Variants in TNFSF4 observed in about 807,000 individuals in gnomAD.
The protein encoded by TNFSF4 is TNF superfamily member 4.
TNFSF4 carries 4 observed loss-of-function variants against 7.3 expected under a neutral mutation model. The observed-to-expected ratio is 0.55, with a 90% CI of 0.27 to 1.25. The LOEUF is 1.25. Ranked by LOEUF, TNFSF4 falls within the 50% of genes most tolerant of loss-of-function variation. The pLI, the probability that TNFSF4 is intolerant of heterozygous loss-of-function variation, is 0.12. For missense variants in TNFSF4, 181 were observed against 208.8 expected (o/e 0.87, Z 0.82); for synonymous variants, 76 against 83.7 (o/e 0.91, Z 0.50).
the TNFSF4 span, among the ~76,000 whole-genome samples, chr1:173,311,755 C>G: frequency 6.6e-6 from 1 of 152,060 alleles, no homozygotes; most frequent in South Asian, 2.1e-4. Flanking sequence ...CTCTCCCACA[C>G]CCTCTACTGA....
chr1:173,374,441 C>T, the TNFSF4 span, among the ~76,000 whole-genome samples: 1 of 152,110 alleles, frequency 6.6e-6, no homozygotes. Flanking sequence ...AGATTCACCA[C>T]ACCGGAGTTA....
chr1:173,300,663 C>T, the TNFSF4 span, among the ~76,000 whole-genome samples: 1 of 151,670 alleles, frequency 6.6e-6, no homozygotes, highest in South Asian at 2.1e-4. Flanking sequence ...AGTGCTCCAC[C>T]CCCACCCCAA....
the TNFSF4 span, among the ~76,000 whole-genome samples, chr1:173,380,244 A>T: frequency 6.6e-6 from 1 of 152,182 alleles, no homozygotes; most frequent in Non-Finnish European, 1.5e-5. Context: ...CACCCTTATT[A>T]GGGAGGGACA....
At chr1:173,327,775 A>C in the TNFSF4 span, among the ~76,000 whole-genome samples, 1 of 152,250 alleles carries the variant, frequency 6.6e-6, no homozygotes, top group African/African-American at 2.4e-5. Context: ...ACTGGCCATC[A>C]GAGAAATGCA....
chr1:173,333,781 T>C, the TNFSF4 span, among the ~76,000 whole-genome samples: 1 of 152,150 alleles, frequency 6.6e-6, no homozygotes, highest in Non-Finnish European at 1.5e-5. Flanking sequence ...GGTATTTTGT[T>C]ATGACAGCAT....
the TNFSF4 span, among the ~76,000 whole-genome samples, chr1:173,425,766 G>A: frequency 3.9e-5 from 6 of 152,332 alleles, no homozygotes; most frequent in Non-Finnish European, 5.9e-5. Flanking sequence ...GAACTAGAGC[G>A]AGGAGGCTGA....
At chr1:173,251,466 C>G in the TNFSF4 span, among the ~76,000 whole-genome samples, 4 of 152,174 alleles carry the variant, frequency 2.6e-5, no homozygotes, top group Admixed American at 2.6e-4. Context: ...ACATAGTACT[C>G]AATACCTATT....
At chr1:173,199,495 A>G (rs1287360181) in intron 1 of TNFSF4, among the ~76,000 whole-genome samples, 1 of 152,194 alleles carries the variant, frequency 6.6e-6, no homozygotes, top group Non-Finnish European at 1.5e-5. Flanking sequence ...ATAGAGGCAG[A>G]GCTTGGAGCA....
the TNFSF4 span, among the ~76,000 whole-genome samples, chr1:173,322,405 G>T: frequency 2.0e-4 from 31 of 152,112 alleles, no homozygotes; most frequent in South Asian, 6.2e-3. Context: ...GATGATGGGG[G>T]GTGGAGCCAA....
chr1:173,334,803 A>G, the TNFSF4 span, among the ~76,000 whole-genome samples: 152 of 152,254 alleles, frequency 1.0e-3, no homozygotes, highest in African/African-American at 3.6e-3. Context: ...GCTGCCTTTC[A>G]AGAAATGCTG....
the TNFSF4 span, among the ~76,000 whole-genome samples, chr1:173,275,933 G>C: frequency 6.6e-6 from 1 of 152,226 alleles, no homozygotes; most frequent in South Asian, 2.1e-4. Flanking sequence ...CTTCCCAATA[G>C]TGTGGTTGGT....
chr1:173,302,366 A>C, the TNFSF4 span, among the ~76,000 whole-genome samples: 1 of 151,960 alleles, frequency 6.6e-6, no homozygotes, highest in African/African-American at 2.4e-5. Context: ...GAGAGTTCTG[A>C]CATCCCTAAG....
chr1:173,189,072 G>A (rs1014689403), intron 1 of TNFSF4, among the ~76,000 whole-genome samples: 2 of 151,964 alleles, frequency 1.3e-5, no homozygotes, highest in Non-Finnish European at 2.9e-5. Context: ...CTTCCCCCTT[G>A]CTTTTCCATA....
the TNFSF4 span, among the ~76,000 whole-genome samples, chr1:173,271,870 A>G: frequency 6.6e-6 from 1 of 152,172 alleles, no homozygotes; most frequent in African/African-American, 2.4e-5. Context: ...AGGATTATAA[A>G]TCATGCTACT....
the TNFSF4 span, among the ~76,000 whole-genome samples, chr1:173,430,374 A>G: frequency 6.6e-6 from 1 of 152,232 alleles, no homozygotes; most frequent in Non-Finnish European, 1.5e-5. Flanking sequence ...ACTTTCACAG[A>G]GTCTTCCACT....
At chr1:173,378,884 CCA>C in the TNFSF4 span, among the ~76,000 whole-genome samples, 91,594 of 147,074 alleles carry the variant, frequency 0.62, 28,578 homozygotes, top group Admixed American at 0.68. Flanking sequence ...CCCTCCCCCC[CCA>C]CCACAGGCTA....
At chr1:173,384,538 G>T in the TNFSF4 span, among the ~76,000 whole-genome samples, 1 of 151,904 alleles carries the variant, frequency 6.6e-6, no homozygotes, top group Non-Finnish European at 1.5e-5. Context: ...CTCCCCCACC[G>T]CATGATTCTC....
chr1:173,227,565 GACAGTGGGTGCAGC>G, the TNFSF4 span, among the ~76,000 whole-genome samples: 3 of 152,210 alleles, frequency 2.0e-5, no homozygotes, highest in Non-Finnish European at 4.4e-5. Context: ...GGGCTTGTCA[GACAGTGGGTGCAGC>G]ACAGTGGGTG....
the TNFSF4 span, among the ~76,000 whole-genome samples, chr1:173,227,634 G>A: frequency 9.2e-5 from 14 of 152,350 alleles, no homozygotes; most frequent in South Asian, 1.9e-3. Flanking sequence ...AAAGCAGGGC[G>A]AGGCATCGCC....
Sources: allele counts gnomAD v4.1 joint callset (sites outside exome capture counted in the v4.1 genomes callset), GRCh38; gene constraint gnomAD v4.1.1; transcripts MANE v1.5; gene names NCBI Gene and HGNC (gene_info 2026-07-23, HGNC 2026-07-21).